The following MEOX2 variants were observed in gnomAD, a reference collection of about 807,000 sequenced individuals.
MEOX2 encodes mesenchyme homeobox 2.
Under a neutral mutation model 27.0 loss-of-function variants are expected in MEOX2, and 11 were observed. That is an observed-to-expected ratio of 0.41 (90% CI 0.26 to 0.68). The LOEUF (loss-of-function observed/expected upper bound fraction) is 0.68, where lower values mean the gene tolerates loss of function less well. Ranked by LOEUF, MEOX2 falls within the 30% of genes least tolerant of loss-of-function variation. The pLI, the probability that MEOX2 is intolerant of heterozygous loss-of-function variation, is 0.33. For missense variants in MEOX2, 436 were observed against 385.4 expected (o/e 1.13, Z -1.10); for synonymous variants, 189 against 155.4 (o/e 1.22, Z -1.61).
At chr7:15,672,695 A>T (rs1310101276) in intron 1 of MEOX2, among the ~76,000 whole-genome samples, 1 of 152,146 alleles carries the variant, frequency 6.6e-6, no homozygotes, top group Non-Finnish European at 1.5e-5. Context: ...GATCAAGACC[A>T]TCCTGGCTAA....
chr7:15,674,484 A>C (rs1198180317), intron 1 of MEOX2, among the ~76,000 whole-genome samples: 1 of 152,094 alleles, frequency 6.6e-6, no homozygotes, highest in African/African-American at 2.4e-5. Context: ...AATAGAAAAG[A>C]AGAAATCATC....
intron 1 of MEOX2, among the ~76,000 whole-genome samples, chr7:15,671,077 G>A (rs905465268): frequency 1.3e-5 from 2 of 152,078 alleles, no homozygotes; most frequent in Non-Finnish European, 2.9e-5. Flanking sequence ...ACACAGGGAA[G>A]TCCATTACAC....
At position 15,685,995 on chromosome 7, in the gene MEOX2, G is replaced by A; in HGVS notation, c.408C>T (p.Ser136=). 1 of 1,609,612 alleles carries A rather than the reference G, an allele frequency of 6.2e-7. No individual in the cohort carries two copies. The highest frequency in any genetic ancestry group is 8.5e-7 in the Non-Finnish European group (1 of 1,179,804). ...CGCACGCGGCCCCAGTCGGGGTGCT[G>A]GAGCCCAAGCTGGAAGAGTTGGAGC... ...VLCSNSSSLG[S]STPTGAACAP... is the part of the protein sequence containing the mutation. The change falls in exon 1 of 3, where the codon TCC becomes TCT. Residue 136 remains serine, a synonymous_variant. Transcript: ENST00000262041.
intron 1 of MEOX2, among the ~76,000 whole-genome samples, chr7:15,675,422 A>G (rs1583791228): frequency 6.6e-6 from 1 of 152,192 alleles, no homozygotes; most frequent in African/African-American, 2.4e-5. Flanking sequence ...GTTCACTTAA[A>G]AGCAGTAGTC....
intron 1 of MEOX2, among the ~76,000 whole-genome samples, chr7:15,651,287 A>C (rs17168953): frequency 6.6e-6 from 1 of 152,018 alleles, no homozygotes; most frequent in South Asian, 2.1e-4. Flanking sequence ...TCTCCTGCCC[A>C]TAGTAATTAA....
At chr7:15,643,411 T>C (rs956442106) in intron 1 of MEOX2, among the ~76,000 whole-genome samples, 4 of 152,128 alleles carry the variant, frequency 2.6e-5, no homozygotes, top group Admixed American at 6.5e-5. Flanking sequence ...GGTCAAGGTC[T>C]AGGGGCAGCT....
chr7:15,665,892 A>G (rs1781996441), intron 1 of MEOX2, among the ~76,000 whole-genome samples: 1 of 152,056 alleles, frequency 6.6e-6, no homozygotes, highest in African/African-American at 2.4e-5. Flanking sequence ...CAGATTATAG[A>G]AGATACTCAA....
intron 1 of MEOX2, among the ~76,000 whole-genome samples, chr7:15,660,802 A>T (rs1225933388): frequency 6.6e-6 from 1 of 152,008 alleles, no homozygotes; most frequent in Non-Finnish European, 1.5e-5. Context: ...CAGGCAGATC[A>T]CCTGAGGTCA....
intron 1 of MEOX2, among the ~76,000 whole-genome samples, chr7:15,651,689 G>A (rs1019843276): frequency 9.2e-5 from 14 of 151,920 alleles, no homozygotes; most frequent in African/African-American, 3.4e-4. Flanking sequence ...CTGTACTCTT[G>A]ATCAGTGCTC....
chr7:15,645,008 C>G (rs974066123), intron 1 of MEOX2, among the ~76,000 whole-genome samples: 12 of 152,094 alleles, frequency 7.9e-5, no homozygotes, highest in African/African-American at 2.9e-4. Flanking sequence ...TATTCAGAAG[C>G]TGTCATAAAA....
intron 2 of MEOX2, among the ~76,000 whole-genome samples, chr7:15,620,976 T>G (rs973909832): frequency 3.9e-5 from 6 of 152,230 alleles, no homozygotes; most frequent in African/African-American, 1.4e-4. Flanking sequence ...TTCTTTTATA[T>G]GCTCCTGCAG....
chr7:15,677,005 A>T (rs1290187709), intron 1 of MEOX2, among the ~76,000 whole-genome samples: 1 of 152,158 alleles, frequency 6.6e-6, no homozygotes, highest in Non-Finnish European at 1.5e-5. Context: ...TGGAATGGAA[A>T]TCTTAAGGGT....
intron 1 of MEOX2, among the ~76,000 whole-genome samples, chr7:15,652,711 A>G (rs185879949): frequency 6.6e-6 from 1 of 152,134 alleles, no homozygotes; most frequent in Admixed American, 6.6e-5. Context: ...AATGCTATTT[A>G]TATGGAATAA....
chr7:15,633,839 T>G (rs1219632603), intron 1 of MEOX2, among the ~76,000 whole-genome samples: 6 of 151,952 alleles, frequency 3.9e-5, no homozygotes, highest in Admixed American at 3.9e-4. Context: ...TTTCTAATAC[T>G]AAATACCTAC....
intron 1 of MEOX2, among the ~76,000 whole-genome samples, chr7:15,668,811 T>G (rs1782051834): frequency 6.6e-6 from 1 of 152,110 alleles, no homozygotes; most frequent in African/African-American, 2.4e-5. Flanking sequence ...AAGTTATACA[T>G]GGATTTTCAA....
chr7:15,682,258 A>G (rs1398253095), intron 1 of MEOX2, among the ~76,000 whole-genome samples: 1 of 151,882 alleles, frequency 6.6e-6, no homozygotes, highest in Non-Finnish European at 1.5e-5. Flanking sequence ...AGAAATGAAT[A>G]ATAACACTAA....
At chr7:15,613,867 G>C (rs373946222) in intron 2 of MEOX2, among the ~76,000 whole-genome samples, 21 of 151,642 alleles carry the variant, frequency 1.4e-4, no homozygotes, top group Non-Finnish European at 2.9e-4. Context: ...TATATGTAAT[G>C]CTGCTATAGA....
rs1782384621 is a variant in MEOX2, at chr7:15,686,350, C to A, written c.53G>T (p.Gly18Val). 1 of 1,596,474 alleles carries A rather than the reference C, an allele frequency of 6.3e-7. No homozygotes were observed. Among genetic ancestry groups the A allele is most frequent in the South Asian group, 1.1e-5 (1 of 88,416 alleles). The change falls in exon 1 of 3, where the codon GGC becomes GTC. Residue 18 changes from glycine to valine, a missense_variant. Coordinates refer to ENST00000262041, the MANE Select transcript of MEOX2 (RefSeq NM_005924.5). ...AGAGGATTGGGAGAACGGGTGCAAG[C>A]CTTGCGCCGTGGCGTGAGGGCTGCG... is the stretch of plus-strand genomic sequence containing the variant. ...CLRSPHATAQGLHPFSQSSLA... is the reference protein window; with the variant it reads ...CLRSPHATAQVLHPFSQSSLA...
rs571443650 is a variant in MEOX2, at chr7:15,642,452, C to T, written c.518-15534G>A. 3.4e-4 allele frequency among the ~76,000 whole-genome samples: 51 copies of T among 152,144 alleles called. 1 individual carries two copies. In the South Asian group the frequency reaches 4.3e-3, roughly 13 times the overall value. On this transcript the variant is annotated intron_variant, in intron 1 of 2. Coordinates refer to ENST00000262041, the MANE Select transcript of MEOX2 (RefSeq NM_005924.5). ...TTTGAATTTCCTTTAGTGCATTTTT[C>T]ATTTCCAAAGTTTCTATTTTGCTTT... is the stretch of plus-strand genomic sequence containing the variant.
Sources: allele counts gnomAD v4.1 joint callset (sites outside exome capture counted in the v4.1 genomes callset), GRCh38; gene constraint gnomAD v4.1.1; transcripts MANE v1.5; gene names NCBI Gene and HGNC (gene_info 2026-07-23, HGNC 2026-07-21).